SEMA5B: variants seen among roughly 807,000 people sequenced by gnomAD.
SEMA5B encodes the protein semaphorin-5B.
In SEMA5B, 66 loss-of-function variants were observed where a neutral mutation model predicts 135.0. That is an observed-to-expected ratio of 0.49 (90% CI 0.40 to 0.60). SEMA5B has a LOEUF of 0.60. Ranked by LOEUF, SEMA5B falls within the 20% of genes least tolerant of loss-of-function variation. The pLI is 0.00. For missense variants in SEMA5B, 1,501 were observed against 1,566.3 expected, an observed-to-expected ratio of 0.96 and a Z score of 0.70; for synonymous variants, 690 against 639.5, an observed-to-expected ratio of 1.08 and a Z score of -1.19.
In SEMA5B at chr3:122,921,831, C is replaced by T. The variant is rs3755749; in HGVS notation, c.1688+84G>A. 1.9e-5 allele frequency: 23 copies of T among 1,213,456 alleles called. No individual in the cohort carries two copies. The East Asian group carries it at 5.8e-4, about 30-fold the overall frequency. 75.2% of individuals were successfully genotyped at this position (1,213,456 alleles called of 1,614,324 possible). On this transcript the variant is annotated intron_variant, in intron 12 of 22. Transcript: ENST00000357599. ...ACTAGTGGAGACTGCAGGGACCGACCCCAGGTCTCCCGGGTCCAAAGCCCC... is the reference window on the plus strand; with the variant it reads ...ACTAGTGGAGACTGCAGGGACCGACTCCAGGTCTCCCGGGTCCAAAGCCCC...
intron 1 of SEMA5B, chr3:122,992,744 T>C (rs1030527092): frequency 5.9e-5 from 9 of 152,150 alleles, no homozygotes; most frequent in Non-Finnish European, 1.3e-4. Flanking sequence ...CTTAGGTACA[T>C]CCCAGCAAAC....
chr3:122,968,221 G>A (rs1052291461), intron 1 of SEMA5B, among the ~76,000 whole-genome samples: 21 of 152,260 alleles, frequency 1.4e-4, no homozygotes, highest in Non-Finnish European at 2.6e-4. Flanking sequence ...GGGAGGTGAT[G>A]TAGCTACCTC....
At chr3:122,922,567 C>A (rs1384359201) in intron 10 of SEMA5B, 120 bp from the exon 11 acceptor site, 1 of 884,562 alleles carries the variant, frequency 1.1e-6, no homozygotes, top group Non-Finnish European at 1.7e-6. Context: ...CTCCAGCACC[C>A]CCCACCCCTA....
chr3:122,997,173 C>T (rs1454705633), intron 1 of SEMA5B, among the ~76,000 whole-genome samples: 4 of 152,230 alleles, frequency 2.6e-5, no homozygotes, highest in Non-Finnish European at 5.9e-5. Flanking sequence ...CTGCCATCTC[C>T]TCTTTAGGTG....
intron 1 of SEMA5B, among the ~76,000 whole-genome samples, chr3:122,975,743 T>C (rs998314926): frequency 6.6e-6 from 1 of 152,028 alleles, no homozygotes; most frequent in Non-Finnish European, 1.5e-5. Flanking sequence ...CTATCTTTCA[T>C]CTCTCCTCTC....
At chr3:122,975,879 G>A (rs1576383132) in intron 1 of SEMA5B, 1 of 1,335,952 alleles carries the variant, frequency 7.5e-7, no homozygotes, top group Admixed American at 2.2e-5. Context: ...ACCCTGCATA[G>A]CAAGGACTCT....
chr3:123,003,812 C>T (rs371477779), intron 1 of SEMA5B, among the ~76,000 whole-genome samples: 6 of 149,846 alleles, frequency 4.0e-5, no homozygotes, highest in African/African-American at 9.9e-5. Flanking sequence ...CCAGCCTGGG[C>T]GACAGAGCGA....
At chr3:122,945,159 T>C (rs1195662777) in intron 3 of SEMA5B, among the ~76,000 whole-genome samples, 1 of 152,176 alleles carries the variant, frequency 6.6e-6, no homozygotes, top group African/African-American at 2.4e-5. Flanking sequence ...GTGAGTTGGA[T>C]GTTTTTCAGA....
intron 1 of SEMA5B, among the ~76,000 whole-genome samples, chr3:122,980,444 G>C (rs1367791807): frequency 6.9e-6 from 1 of 143,956 alleles, no homozygotes; most frequent in African/African-American, 2.7e-5. Context: ...TGTACAACAA[G>C]AGTGAAAAGC....
chr3:122,928,634 G>A lies in SEMA5B; in HGVS notation c.538-19C>T. ...ACTCCTCCTGAGGCAGGAAGGAAAG[G>A]AGCAGACAGCACAGCTCTCCAGGTG... is the stretch of plus-strand genomic sequence containing the variant. On this transcript the variant is annotated intron_variant, in intron 6 of 22. Coordinates refer to ENST00000357599, the MANE Select transcript of SEMA5B (RefSeq NM_001031702.4). 2.0e-6 allele frequency: 3 copies of A among 1,533,932 alleles called. No individual in the cohort carries two copies. The highest frequency in any genetic ancestry group is 1.8e-6 in the Non-Finnish European group (2 of 1,131,214).
At chr3:123,021,999 A>G (rs2107834169) in intron 1 of SEMA5B, among the ~76,000 whole-genome samples, 1 of 152,252 alleles carries the variant, frequency 6.6e-6, no homozygotes, top group South Asian at 2.1e-4. Context: ...TGAGACTCAC[A>G]TTCCCCACAA....
chr3:122,960,341 C>T (rs1419962369), intron 2 of SEMA5B, among the ~76,000 whole-genome samples: 4 of 152,082 alleles, frequency 2.6e-5, no homozygotes, highest in South Asian at 2.1e-4. Context: ...GCCACTGAAC[C>T]GCATACTTGA....
Position 123,004,033 on chromosome 3 carries a change from G to T in SEMA5B, c.-39+23431C>A, listed in dbSNP as rs558159355. Among the ~76,000 whole-genome samples, 19 of 152,220 alleles carry T rather than the reference G, an allele frequency of 1.2e-4. No homozygotes were observed. The East Asian group carries it at 2.1e-3, about 17-fold the overall frequency. ...TCCTCAAATCCCATTAGTCAAAATT[G>T]TGTCATGTATCCATTTATGGCCCAA... On this transcript the variant is annotated intron_variant, in intron 1 of 22. Transcript: ENST00000357599.
At chr3:122,937,814 A>T (rs1380630762) in intron 5 of SEMA5B, among the ~76,000 whole-genome samples, 1 of 151,864 alleles carries the variant, frequency 6.6e-6, no homozygotes, top group East Asian at 1.9e-4. Context: ...GCCACATTAC[A>T]CTCCTAGAAG....
chr3:122,912,394 A>G (rs1937780653), intron 18 of SEMA5B, 52 bp from the exon 19 acceptor site: 2 of 1,473,570 alleles, frequency 1.4e-6, no homozygotes, highest in East Asian at 2.5e-5. Flanking sequence ...AGGGCCCAAG[A>G]CGGTCTTCCA....
chr3:123,002,605 G>C (rs1942206208), intron 1 of SEMA5B, among the ~76,000 whole-genome samples: 1 of 152,206 alleles, frequency 6.6e-6, no homozygotes, highest in Admixed American at 6.5e-5. Context: ...CAGTTCTTTG[G>C]AGGGAGCCGT....
intron 1 of SEMA5B, chr3:122,976,178 A>C (rs763137792): frequency 1.5e-5 from 23 of 1,518,558 alleles, no homozygotes; most frequent in Non-Finnish European, 2.0e-5. Flanking sequence ...TGCAGATGCA[A>C]GAAGTGCTTC....
At chr3:123,000,176 C>T (rs1355631793) in intron 1 of SEMA5B, among the ~76,000 whole-genome samples, 3 of 152,176 alleles carry the variant, frequency 2.0e-5, no homozygotes, top group African/African-American at 7.2e-5. Flanking sequence ...TCACTGCACT[C>T]TATCCTGGGC....
intron 1 of SEMA5B, chr3:122,975,858 C>A: frequency 2.5e-6 from 3 of 1,179,706 alleles, no homozygotes; most frequent in Non-Finnish European, 3.5e-6. Flanking sequence ...CCTACACAAC[C>A]AAATCCAAAC....
Sources: gnomAD v4.1 joint callset for allele counts (sites outside exome capture counted in the v4.1 genomes callset) on GRCh38, gnomAD v4.1.1 for gene constraint, MANE v1.5 for transcripts, NCBI Gene and HGNC (gene_info 2026-07-23, HGNC 2026-07-21) for gene names.